Variants in SAMD4B observed in about 807,000 individuals in gnomAD.
SAMD4B encodes the protein protein Smaug homolog 2.
A neutral mutation model predicts 74.5 loss-of-function variants in SAMD4B; 5 were observed. The ratio of observed to expected loss-of-function variants is 0.07; its 90% CI spans 0.04 to 0.14. The LOEUF (loss-of-function observed/expected upper bound fraction) is 0.14, where lower values mean the gene tolerates loss of function less well. Among genes scored for constraint, SAMD4B ranks in the 10% least tolerant of loss-of-function variants. The pLI is 1.00. For synonymous variants in SAMD4B, 373 were observed against 374.9 expected (o/e 1.00, Z 0.06); for missense variants, 608 against 921.8 (o/e 0.66, Z 4.41).
Position 39,375,843 on chromosome 19 carries a change from G to C in SAMD4B, c.861G>C (p.Gln287His). The C allele has an allele frequency of 6.2e-7, 1 of 1,612,658 alleles. No homozygotes were observed. Among genetic ancestry groups the C allele is most frequent in the African/African-American group, 1.3e-5 (1 of 75,028 alleles). Residue 287 changes from glutamine (Q) to histidine (H), a missense_variant, in exon 5 of 14, where the codon CAG becomes CAC. Around this residue, in one of 9 missense-constraint regions of SAMD4B, gnomAD observed 31 missense variants for 43.4 expected, o/e 0.71. Transcript: ENST00000610417. The surrounding 1 kb of genome is among the most constrained non-coding windows in gnomAD (Gnocchi z 4.1). ...CTGGCAGTGAGCAGACAGAGGAGCA[G>C]GGCTCCAGCCGGAACACCTTCCAGG... ...ASSGSEQTEE[Q>H]GSSRNTFQED... is the part of the protein sequence containing the mutation.
chr19:39,368,126 A>G (rs746675736), intron 3 of SAMD4B, among the ~76,000 whole-genome samples: 6 of 152,006 alleles, frequency 3.9e-5, no homozygotes, highest in Non-Finnish European at 5.9e-5. Flanking sequence ...AGGCAGTAGA[A>G]TGGCATGAAC....
rs771177638 is a variant in SAMD4B at position 39,377,668 on chromosome 19, C to T, written c.1288C>T (p.Pro430Ser). The change falls in exon 8 of 14, where the codon CCC becomes TCC. Residue 430 changes from proline to serine, a missense_variant. Pro to Ser is a moderately conservative substitution (Grantham distance 74). Transcript: ENST00000610417. Reference sequence around the variant, plus strand: ...AGGTGCTGAGCCTCCCCTAGCCCACCCCGGCACAGACAAAGGCACCGAGGC... The same window carrying T: ...AGGTGCTGAGCCTCCCCTAGCCCACTCCGGCACAGACAAAGGCACCGAGGC... ...LPGAEPPLAHPGTDKGTEAKD... is the reference protein window; with the variant it reads ...LPGAEPPLAHSGTDKGTEAKD... The T allele has an allele frequency of 6.2e-7, 1 of 1,614,154 alleles. No homozygotes were observed. The highest frequency in any genetic ancestry group is 2.2e-5 in the East Asian group (1 of 44,890).
At chr19:39,345,221 T>C (rs1343416817) in intron 1 of SAMD4B, among the ~76,000 whole-genome samples, 1 of 152,182 alleles carries the variant, frequency 6.6e-6, no homozygotes, top group East Asian at 1.9e-4. Flanking sequence ...GGTATGCCTC[T>C]GTGCCCTACT....
intron 1 of SAMD4B, chr19:39,352,571 G>C (rs1312080641): frequency 1.3e-5 from 2 of 151,670 alleles, no homozygotes; most frequent in Non-Finnish European, 2.9e-5. Flanking sequence ...GAGGTGGATA[G>C]TGACTTCTCC....
intron 3 of SAMD4B, among the ~76,000 whole-genome samples, chr19:39,367,210 C>T (rs1344410221): frequency 1.3e-5 from 2 of 152,218 alleles, no homozygotes; most frequent in African/African-American, 4.8e-5. Flanking sequence ...TCACCCACTC[C>T]TTTGGGGTCC....
rs142644811 is a variant in SAMD4B, at chr19:39,362,795, A to G, written c.196+5706A>G. Among the ~76,000 whole-genome samples the G allele has an allele frequency of 2.2e-3, 328 of 151,812 alleles. 2 individuals are homozygous for G. The highest frequency in any genetic ancestry group is 6.3e-3 in the African/African-American group (259 of 41,390). On this transcript the variant is annotated intron_variant, in intron 3 of 13. Transcript: ENST00000610417. ...TTCCTGCATTTTCTTCCCACCTCCT[A>G]TTCTGAGTCAGTCCCCATATCTAGC...
chr19:39,357,186 A>T, intron 3 of SAMD4B, 97 bp downstream of exon 3: 1 of 1,130,972 alleles, frequency 8.8e-7, no homozygotes. Context: ...GGGACTAAAA[A>T]ACGTGGGTTC....
intron 3 of SAMD4B, among the ~76,000 whole-genome samples, chr19:39,367,192 C>G (rs1012557350): frequency 6.6e-6 from 1 of 152,176 alleles, no homozygotes; most frequent in Non-Finnish European, 1.5e-5. Context: ...TCTGCCTATT[C>G]CTTTTCATCA....
downstream of SAMD4B, chr19:39,386,471 T>C (rs745948054): frequency 8.7e-6 from 14 of 1,614,180 alleles, no homozygotes; most frequent in Non-Finnish European, 1.2e-5. The surrounding 1 kb of genome is among the most constrained non-coding windows in gnomAD (Gnocchi z 6.1). Flanking sequence ...GTCTGGCCTG[T>C]CCAGATTTAC....
At chr19:39,380,221 A>C in intron 10 of SAMD4B, 137 bp downstream of exon 10, 1 of 675,752 alleles carries the variant, frequency 1.5e-6, no homozygotes, top group South Asian at 1.9e-5. Flanking sequence ...CCCAGAAGAA[A>C]ATTTCCACTA....
At chr19:39,371,597 A>T (rs2077300740) in intron 4 of SAMD4B, among the ~76,000 whole-genome samples, 1 of 152,172 alleles carries the variant, frequency 6.6e-6, no homozygotes, top group South Asian at 2.1e-4. Context: ...CAGGCAGATC[A>T]CCTGAGGTCA....
chr19:39,386,401 C>T (rs1023655478), downstream of SAMD4B: 1 of 1,614,020 alleles, frequency 6.2e-7, no homozygotes, highest in African/African-American at 1.3e-5. This position sits in a 1 kb window ranked among gnomAD's most constrained non-coding sequence, Gnocchi z 6.1. Context: ...TCCTGCTCCT[C>T]ATCTGGAAGG....
chr19:39,389,530 A>C (rs1010301325), downstream of SAMD4B: 4 of 1,614,066 alleles, frequency 2.5e-6, no homozygotes, highest in Admixed American at 6.7e-5. This position sits in a 1 kb window ranked among gnomAD's most constrained non-coding sequence, Gnocchi z 5.3. Context: ...GTTTCTCATC[A>C]GCTGGATCTA....
Position 39,370,142 on chromosome 19 carries a change from T to C in SAMD4B, c.667+17T>C. 6.4e-7 allele frequency: 1 copy of C among 1,561,324 alleles called. No individual in the cohort carries two copies. The highest frequency in any genetic ancestry group is 1.4e-5 in the African/African-American group (1 of 73,414). ...CAAACACAGGTAAGTGGCGGGGGTGTCCCAGAAGGCCATGCCTACTTGAAA... is the reference window on the plus strand; with the variant it reads ...CAAACACAGGTAAGTGGCGGGGGTGCCCCAGAAGGCCATGCCTACTTGAAA... On this transcript the variant is annotated intron_variant, in intron 4 of 13. Transcript: ENST00000610417.
At chr19:39,345,783 T>C (rs1475817233) in intron 1 of SAMD4B, among the ~76,000 whole-genome samples, 1 of 152,352 alleles carries the variant, frequency 6.6e-6, no homozygotes, top group East Asian at 1.9e-4. Context: ...TCCTTCTGCA[T>C]TTGGCCAGAA....
chr19:39,373,974 T>A (rs1233090409), intron 4 of SAMD4B, among the ~76,000 whole-genome samples: 4 of 143,372 alleles, frequency 2.8e-5, no homozygotes, highest in African/African-American at 5.3e-5. Flanking sequence ...CTAAAAAATA[T>A]ATATATATAT....
intron 3 of SAMD4B, among the ~76,000 whole-genome samples, chr19:39,365,380 C>T (rs1053880935): frequency 6.6e-6 from 1 of 151,628 alleles, no homozygotes; most frequent in Non-Finnish European, 1.5e-5. Flanking sequence ...ATGGCAAAAG[C>T]CCGTCTCTAC....
chr19:39,374,796 G>A (rs750864953), intron 4 of SAMD4B, among the ~76,000 whole-genome samples: 23 of 152,182 alleles, frequency 1.5e-4, no homozygotes, highest in Non-Finnish European at 2.5e-4. Flanking sequence ...AGCCCAGATC[G>A]TGCCACTGCA....
chr19:39,378,855 G>A lies in SAMD4B; in HGVS notation c.1530+266G>A, dbSNP rs1185712569. Among the ~76,000 whole-genome samples the A allele has an allele frequency of 6.6e-6, 1 of 152,254 alleles. No homozygotes were observed. The highest frequency in any genetic ancestry group is 2.1e-4 in the South Asian group (1 of 4,838). On this transcript the variant is annotated intron_variant, in intron 9 of 13. Coordinates refer to ENST00000610417, the MANE Select transcript of SAMD4B (RefSeq NM_001384574.2). The surrounding 1 kb of genome is among the most constrained non-coding windows in gnomAD (Gnocchi z 4.4). The stretch of plus-strand genomic sequence containing the variant: ...GCAGGTGGAGCTTGTGGTGAGCCAA[G>A]ATCGCGCCACTGCACTCCAGCCTGG...
Sources: allele counts gnomAD v4.1 joint callset (sites outside exome capture counted in the v4.1 genomes callset), GRCh38; gene constraint gnomAD v4.1.1; regional missense constraint gnomAD v4.1.1; non-coding constraint Gnocchi (gnomAD v3.1); transcripts MANE v1.5; gene names NCBI Gene and HGNC (gene_info 2026-07-23, HGNC 2026-07-21).